NPIPB2: variants seen among roughly 807,000 people sequenced by gnomAD.
NPIPB2 encodes the protein nuclear pore complex interacting protein family member B2.
NPIPB2 carries 27 observed loss-of-function variants against 30.8 expected under a neutral mutation model. The ratio of observed to expected loss-of-function variants is 0.88; its 90% CI spans 0.65 to 1.21. The LOEUF (loss-of-function observed/expected upper bound fraction) is 1.21. Ranked by LOEUF, NPIPB2 falls within the 50% of genes most tolerant of loss-of-function variation. The pLI, the probability that NPIPB2 is intolerant of heterozygous loss-of-function variation, is 0.00. For synonymous variants in NPIPB2, 147 were observed against 162.0 expected, an observed-to-expected ratio of 0.91 and a Z score of 0.70; for missense variants, 440 against 446.2, an observed-to-expected ratio of 0.99 and a Z score of 0.13.
chr16:11,941,176 G>T (rs141204750), intron 1 of NPIPB2: 1 of 1,483,320 alleles, frequency 6.7e-7, no homozygotes, highest in African/African-American at 1.5e-5. Flanking sequence ...CACACAGGTG[G>T]ACTGATGGCT....
rs565224074 is a variant in NPIPB2 at position 11,969,985 on chromosome 16, C to T, written c.-584+6583G>A. On this transcript the variant is annotated intron_variant, in intron 1 of 5. Transcript: ENST00000538896. ...TTCAAGAGTCTCCTACCTCAGCCTC[C>T]CAAGTAGCTGGGATTACAGGTGCCC... Among the ~76,000 whole-genome samples the T allele has an allele frequency of 7.3e-5, 11 of 151,192 alleles. No homozygotes were observed. The East Asian group carries it at 2.2e-3, about 31-fold the overall frequency.
rs1409280342 is a variant in NPIPB2 at position 11,938,259 on chromosome 16, G to A, written c.64-591C>T. 3.3e-5 allele frequency among the ~76,000 whole-genome samples: 5 copies of A among 152,266 alleles called. No homozygotes were observed. In the East Asian group the frequency reaches 9.7e-4, roughly 29 times the overall value. On this transcript the variant is annotated intron_variant, in intron 1 of 7. Transcript: ENST00000399147. ...GCCTTGAACTCCTGACAGGTGATCT[G>A]CCTGCCTCAGCCTCCCAAAGTGCTG...
At chr16:11,938,863 C>T (rs1228815280) in intron 1 of NPIPB2, among the ~76,000 whole-genome samples, 1 of 151,790 alleles carries the variant, frequency 6.6e-6, no homozygotes, top group East Asian at 1.9e-4. Context: ...ATTCTCCTGC[C>T]TCAGCTACTG....
At chr16:11,933,571 G>A (rs556338238) in exon 4 of NPIPB2, 21 of 1,596,698 alleles carry the variant, frequency 1.3e-5, no homozygotes, top group South Asian at 6.6e-5. Flanking sequence ...GTTGATTTTC[G>A]TTGTCACCTT....
chr16:11,964,565 C>A (rs2055178600), intron 1 of NPIPB2, among the ~76,000 whole-genome samples: 1 of 152,104 alleles, frequency 6.6e-6, no homozygotes, highest in Non-Finnish European at 1.5e-5. Context: ...TAGGTGCCTG[C>A]CACCATGCCT....
intron 1 of NPIPB2, among the ~76,000 whole-genome samples, chr16:11,957,837 C>T (rs367803243): frequency 2.0e-5 from 3 of 152,268 alleles, no homozygotes; most frequent in East Asian, 3.9e-4. Context: ...GCCTGCCCTG[C>T]GGAGTTTGGA....
chr16:11,960,097 G>C (rs951536925), intron 1 of NPIPB2, among the ~76,000 whole-genome samples: 3 of 152,136 alleles, frequency 2.0e-5, no homozygotes, highest in African/African-American at 7.2e-5. Flanking sequence ...TTTTCACTTA[G>C]TGATTTATCT....
chr16:11,952,090 C>T (rs1441492618), intron 1 of NPIPB2, among the ~76,000 whole-genome samples: 5 of 145,144 alleles, frequency 3.4e-5, no homozygotes, highest in East Asian at 2.1e-4. Flanking sequence ...ACCCAGGAGG[C>T]GGCGCTTGCA....
chr16:11,949,119 T>G (rs1442600910), intron 1 of NPIPB2, among the ~76,000 whole-genome samples: 3 of 152,050 alleles, frequency 2.0e-5, no homozygotes, highest in Non-Finnish European at 4.4e-5. Flanking sequence ...ATCGGGCCAC[T>G]CTACTCCAGC....
chr16:11,951,685 A>C (rs2055067094), intron 1 of NPIPB2, among the ~76,000 whole-genome samples: 1 of 133,856 alleles, frequency 7.5e-6, no homozygotes, highest in Non-Finnish European at 1.6e-5. Flanking sequence ...CCAAACAACA[A>C]AATTCAGAGT....
intron 1 of NPIPB2, among the ~76,000 whole-genome samples, chr16:11,959,638 T>G (rs2055139917): frequency 6.6e-6 from 1 of 152,130 alleles, no homozygotes; most frequent in Admixed American, 6.6e-5. Flanking sequence ...CTGCTAAAGA[T>G]TTTTCAATGA....
intron 1 of NPIPB2, among the ~76,000 whole-genome samples, chr16:11,957,180 T>C (rs988468308): frequency 2.0e-5 from 3 of 150,366 alleles, no homozygotes; most frequent in African/African-American, 7.3e-5. Context: ...TTTTTTTTTT[T>C]TTGAGATGGA....
chr16:11,955,151 C>T (rs922892583), intron 1 of NPIPB2, among the ~76,000 whole-genome samples: 23 of 151,804 alleles, frequency 1.5e-4, no homozygotes, highest in Admixed American at 5.9e-4. Flanking sequence ...GCCAGGAGTC[C>T]GAGACCAGCC....
chr16:11,947,989 C>T (rs905987940), intron 1 of NPIPB2, among the ~76,000 whole-genome samples: 1 of 148,322 alleles, frequency 6.7e-6, no homozygotes, highest in African/African-American at 2.5e-5. Flanking sequence ...GTGTCAATTA[C>T]ACCCAAGACT....
intron 1 of NPIPB2, chr16:11,967,661 G>A (rs759841436): frequency 5.6e-6 from 9 of 1,614,060 alleles, no homozygotes; most frequent in Non-Finnish European, 6.8e-6. Flanking sequence ...AGTACACGGT[G>A]GAAGAATGCA....
chr16:11,943,656 C>T (rs549302504), upstream of NPIPB2, among the ~76,000 whole-genome samples: 221 of 150,944 alleles, frequency 1.5e-3, 1 homozygote, highest in African/African-American at 4.7e-3. Flanking sequence ...GAGCTGAGAT[C>T]GCGCCATTGT....
intron 1 of NPIPB2, among the ~76,000 whole-genome samples, chr16:11,941,486 C>T (rs964964777): frequency 1.5e-4 from 22 of 150,068 alleles, no homozygotes; most frequent in South Asian, 4.2e-4. Flanking sequence ...GGAAAGGATC[C>T]GGTTCAAATT....
chr16:11,965,271 A>T (rs1003629907), intron 1 of NPIPB2: 11 of 1,609,610 alleles, frequency 6.8e-6, no homozygotes, highest in Non-Finnish European at 9.3e-6. Context: ...TAGAGATATT[A>T]CTTGTCCTTC....
At chr16:11,966,177 G>A in intron 1 of NPIPB2, 1 of 1,601,290 alleles carries the variant, frequency 6.2e-7, no homozygotes, top group Non-Finnish European at 8.5e-7. Flanking sequence ...TTATCTGTCT[G>A]ATGTTCTTTT....
Sources: allele counts gnomAD v4.1 joint callset (sites outside exome capture counted in the v4.1 genomes callset), GRCh38; gene constraint gnomAD v4.1.1; transcripts MANE v1.5; gene names NCBI Gene and HGNC (gene_info 2026-07-23, HGNC 2026-07-21).